STPG1: variants seen among roughly 807,000 people sequenced by gnomAD.
The protein encoded by STPG1 is O(6)-methylguanine-induced apoptosis 2.
Under a neutral mutation model 40.1 loss-of-function variants are expected in STPG1, and 33 were observed. The observed-to-expected ratio is 0.82, with a 90% confidence interval of 0.62 to 1.10. The LOEUF (loss-of-function observed/expected upper bound fraction) is 1.10. STPG1 is among the 50% of genes least tolerant of loss of function. STPG1 has a pLI of 0.00. For missense variants in STPG1, 396 were observed against 415.1 expected (o/e 0.95, Z 0.40); for synonymous variants, 150 against 155.0 (o/e 0.97, Z 0.24).
At chr1:24,386,984 C>T (rs891244600) in intron 3 of STPG1, among the ~76,000 whole-genome samples, 40 of 151,034 alleles carry the variant, frequency 2.6e-4, no homozygotes, top group Admixed American at 1.1e-3. Flanking sequence ...GGAACAGCGC[C>T]GATGCGGCCC....
At chr1:24,401,166 G>A in intron 2 of STPG1, 153 bp downstream of exon 2, 1 of 520,446 alleles carries the variant, frequency 1.9e-6, no homozygotes, top group Non-Finnish European at 3.5e-6. Context: ...CGTCACACTT[G>A]AAACAGTAGG....
intron 3 of STPG1, among the ~76,000 whole-genome samples, chr1:24,388,904 A>G (rs920048926): frequency 6.6e-6 from 1 of 152,236 alleles, no homozygotes; most frequent in Non-Finnish European, 1.5e-5. Flanking sequence ...AGTTGAGGAA[A>G]CTGAAGCCCA....
At chr1:24,398,967 C>T (rs1433353748) in intron 2 of STPG1, among the ~76,000 whole-genome samples, 1 of 151,934 alleles carries the variant, frequency 6.6e-6, no homozygotes, top group Non-Finnish European at 1.5e-5. Flanking sequence ...TTTTTTAAGA[C>T]ATTAATAAGC....
chr1:24,383,757 C>T (rs1642385735), intron 4 of STPG1, 145 bp downstream of exon 4: 4 of 610,656 alleles, frequency 6.6e-6, no homozygotes, highest in Admixed American at 2.8e-5. Flanking sequence ...AATTTACTTG[C>T]ATGAAATTTG....
intron 1 of STPG1, among the ~76,000 whole-genome samples, chr1:24,403,954 T>C (rs1421510726): frequency 1.3e-5 from 2 of 152,328 alleles, no homozygotes; most frequent in East Asian, 1.9e-4. Context: ...ATTGTAATAC[T>C]GCAATGACTA....
intron 4 of STPG1, 180 bp downstream of exon 4, chr1:24,383,722 A>C (rs1642384467): frequency 1.9e-6 from 1 of 522,204 alleles, no homozygotes; most frequent in African/African-American, 1.9e-5. Flanking sequence ...GAGATGGGAA[A>C]AAGTTACTTA....
chr1:24,406,476 T>C (rs1047724877), intron 1 of STPG1, among the ~76,000 whole-genome samples: 2 of 152,190 alleles, frequency 1.3e-5, no homozygotes, highest in African/African-American at 4.8e-5. Flanking sequence ...ATTCTTTGTG[T>C]AAATTCAAGA....
At chr1:24,369,979 T>G (rs1641659853) in intron 6 of STPG1, 140 bp from the exon 7 acceptor site, 2 of 613,752 alleles carry the variant, frequency 3.3e-6, no homozygotes, top group African/African-American at 1.9e-5. Context: ...CTGACTGAGA[T>G]AGCCAAAAAC....
At position 24,360,834 on chromosome 1, in the gene STPG1, T is replaced by TAA; in HGVS notation, c.928+15_928+16dup. On this transcript the variant is annotated intron_variant, in intron 8 of 8. Transcript: ENST00000337248. Reference sequence around the variant, plus strand: ...AGAAGATTTGGTTTTTACAATCATTTAAAACAATCCTCTGACCTGGGCCAG... The same window carrying TAA: ...AGAAGATTTGGTTTTTACAATCATTTAAAAAACAATCCTCTGACCTGGGCCAG... The TAA allele has an allele frequency of 1.3e-6, 2 of 1,592,110 alleles. No homozygotes were observed. The highest frequency in any genetic ancestry group is 1.7e-6 in the Non-Finnish European group (2 of 1,170,360).
At chr1:24,380,961 G>T (rs2148696409) in intron 4 of STPG1, among the ~76,000 whole-genome samples, 1 of 152,322 alleles carries the variant, frequency 6.6e-6, no homozygotes, top group East Asian at 1.9e-4. Flanking sequence ...CTTTGAACGT[G>T]CTTCATCTTT....
chr1:24,395,017 G>A (rs1042188673), intron 2 of STPG1, among the ~76,000 whole-genome samples: 2 of 151,946 alleles, frequency 1.3e-5, no homozygotes, highest in African/African-American at 2.4e-5. Flanking sequence ...AAATGACACC[G>A]TAGGCCAACC....
chr1:24,404,288 A>G (rs1052290013), intron 1 of STPG1, among the ~76,000 whole-genome samples: 3 of 152,240 alleles, frequency 2.0e-5, no homozygotes, highest in African/African-American at 4.8e-5. Flanking sequence ...CTACCTGGTC[A>G]TAAGATATTA....
At chr1:24,364,181 C>T (rs1641299013) in intron 7 of STPG1, 1 of 1,490,522 alleles carries the variant, frequency 6.7e-7, no homozygotes, top group Admixed American at 2.5e-5. Flanking sequence ...TCACTTTCTT[C>T]CAGGGAAACT....
At chr1:24,366,874 G>A (rs571494772) in intron 7 of STPG1, among the ~76,000 whole-genome samples, 7 of 152,210 alleles carry the variant, frequency 4.6e-5, no homozygotes, top group South Asian at 2.1e-4. Flanking sequence ...AGGAGACAGC[G>A]GGTTAATAGG....
intron 2 of STPG1, among the ~76,000 whole-genome samples, chr1:24,392,262 G>A (rs904737935): frequency 6.6e-6 from 1 of 152,202 alleles, no homozygotes; most frequent in African/African-American, 2.4e-5. Flanking sequence ...CTTTGTCTAG[G>A]CTGCGATGTA....
chr1:24,387,933 A>G (rs1207703166), intron 3 of STPG1, among the ~76,000 whole-genome samples: 1 of 152,238 alleles, frequency 6.6e-6, no homozygotes, highest in African/African-American at 2.4e-5. Context: ...TGTCATATCA[A>G]GTTAATAAGT....
intron 3 of STPG1, among the ~76,000 whole-genome samples, chr1:24,390,639 G>A (rs143020027): frequency 0.032 from 4,863 of 152,086 alleles, 284 homozygotes; most frequent in African/African-American, 0.11. Flanking sequence ...GGCTGGTCTC[G>A]AACTTGTGAC....
intron 1 of STPG1, chr1:24,411,866 C>A (rs549633004): frequency 6.6e-6 from 1 of 152,322 alleles, no homozygotes; most frequent in South Asian, 2.1e-4. Context: ...TTCATCAGAA[C>A]ACAGTTTAAA....
chr1:24,407,426 T>C (rs898889407), intron 1 of STPG1, among the ~76,000 whole-genome samples: 3 of 151,148 alleles, frequency 2.0e-5, no homozygotes, highest in Non-Finnish European at 4.4e-5. Context: ...TATATTGTCA[T>C]GTCTTCAAGT....
Sources: allele counts gnomAD v4.1 joint callset (sites outside exome capture counted in the v4.1 genomes callset), GRCh38; gene constraint gnomAD v4.1.1; transcripts MANE v1.5; gene names NCBI Gene and HGNC (gene_info 2026-07-23, HGNC 2026-07-21).